SAMD9: variants seen among roughly 807,000 people sequenced by gnomAD.
SAMD9 encodes the protein sterile alpha motif domain containing 9, also known as sterile alpha motif domain-containing protein 9.
A neutral mutation model predicts 1.5 loss-of-function variants in SAMD9; 3 were observed. The ratio of observed to expected loss-of-function variants is 2.05; its 90% CI spans 0.93 to 5.29. The LOEUF is 5.29. SAMD9 is among the 30% of genes most tolerant of loss of function. SAMD9 has a pLI of 0.02. For missense variants in SAMD9, 1,597 were observed against 1,820.8 expected (o/e 0.88, Z 2.24); for synonymous variants, 635 against 631.9 (o/e 1.00, Z -0.07).
intron 1 of SAMD9, among the ~76,000 whole-genome samples, chr7:93,116,647 T>G (rs1791837301): frequency 6.6e-6 from 1 of 152,210 alleles, no homozygotes; most frequent in South Asian, 2.1e-4. Flanking sequence ...TCCAAAATGT[T>G]TTTTAGGTAA....
At chr7:93,107,232 A>T (rs1384421217) in intron 2 of SAMD9, among the ~76,000 whole-genome samples, 4 of 152,026 alleles carry the variant, frequency 2.6e-5, no homozygotes, top group East Asian at 1.9e-4. Flanking sequence ...ATTGATTTTT[A>T]AAAATATGCC....
Position 93,103,111 on chromosome 7 carries a change from A to C in SAMD9, c.2987T>G (p.Leu996Trp). ...TTTATTCAGGTGATAGCTTTTCTTCAATTCTTCCAGTGAGAACTCTGCAAT... is the reference window on the plus strand; with the variant it reads ...TTTATTCAGGTGATAGCTTTTCTTCCATTCTTCCAGTGAGAACTCTGCAAT... ...SLIAEFSLEE[L>W]KKSYHLNKSQ... is the part of the protein sequence containing the mutation. Residue 996 changes from leucine to tryptophan, a missense_variant, in exon 3 of 3, where the codon TTG becomes TGG. Leu to Trp is a moderately conservative substitution (Grantham distance 61). Around this residue, in one of 6 missense-constraint regions of SAMD9, gnomAD observed 682 missense variants for 810.0 expected, o/e 0.84. Transcript: ENST00000379958. The C allele has an allele frequency of 6.2e-7, 1 of 1,613,784 alleles. No homozygotes were observed. The highest frequency in any genetic ancestry group is 8.5e-7 in the Non-Finnish European group (1 of 1,179,754).
rs76581651 is a variant in SAMD9, at chr7:93,107,322, G to T, written c.-8-1217C>A. ...AGCTTGCTGAGTAGTGAACTTGTTG[G>T]CTACTGTTGTATTAAACTAATTTTT... On this transcript the variant is annotated intron_variant, in intron 2 of 2. Transcript: ENST00000379958. 4.2e-3 allele frequency among the ~76,000 whole-genome samples: 638 copies of T among 152,216 alleles called. 3 individuals are homozygous for T. The highest frequency in any genetic ancestry group is 0.015 in the African/African-American group (616 of 41,530).
intron 2 of SAMD9, among the ~76,000 whole-genome samples, chr7:93,108,690 G>A (rs1791688360): frequency 6.6e-6 from 1 of 152,206 alleles, no homozygotes. Context: ...CACCCACGGA[G>A]CCTCACTCAC....
At chr7:93,116,944 T>C (rs1791841462) in intron 1 of SAMD9, among the ~76,000 whole-genome samples, 1 of 152,192 alleles carries the variant, frequency 6.6e-6, no homozygotes, top group South Asian at 2.1e-4. Context: ...GAGTTGAAGG[T>C]CAGACCTTTA....
chr7:93,106,785 T>C (rs2116425170), intron 2 of SAMD9, among the ~76,000 whole-genome samples: 1 of 152,318 alleles, frequency 6.6e-6, no homozygotes, highest in South Asian at 2.1e-4. Flanking sequence ...TGGCCAGGCA[T>C]ACTCATCCCT....
At chr7:93,117,088 C>A (rs528346578) in intron 1 of SAMD9, among the ~76,000 whole-genome samples, 27 of 152,330 alleles carry the variant, frequency 1.8e-4, no homozygotes, top group African/African-American at 6.5e-4. Context: ...AGTAGTCTAT[C>A]TGTCTGTCTG....
rs373980699 is a variant in SAMD9 at position 93,100,795 on chromosome 7, C to T, written c.*533G>A. The T allele has an allele frequency of 2.0e-4, 31 of 158,756 alleles. No individual in the cohort carries two copies. Among genetic ancestry groups the T allele is most frequent in the African/African-American group, 6.0e-4 (25 of 41,560 alleles). 9.8% of individuals were successfully genotyped at this position (158,756 alleles called of 1,614,324 possible). ...AACCTACTTTGGTAAGGTCTGATGA[C>T]TTCTGTGGGCATGACCTTCAGAAGA... On this transcript the variant is annotated 3_prime_UTR_variant, in exon 3 of 3. Coordinates refer to ENST00000379958, the MANE Select transcript of SAMD9 (RefSeq NM_017654.4).
rs758821945 is a variant in SAMD9 at position 93,103,587 on chromosome 7, T to A, written c.2511A>T (p.Arg837Ser). ...KPLVIILNCM[R>S]SQNPEKSARI... ...TTGCACTTTTTTCAGGATTTTGTGA[T>A]CTCATACAATTTAGGATAATCACCA... The change falls in exon 3 of 3, where the codon AGA (arginine) becomes AGT (serine). Residue 837 changes from arginine to serine, a missense_variant. Coordinates refer to ENST00000379958, the MANE Select transcript of SAMD9 (RefSeq NM_017654.4). 1 of 1,613,426 alleles carries A rather than the reference T, an allele frequency of 6.2e-7. No individual in the cohort carries two copies. The highest frequency in any genetic ancestry group is 1.1e-5 in the South Asian group (1 of 91,044).
At chr7:93,113,746 A>C (rs185001089) in intron 2 of SAMD9, among the ~76,000 whole-genome samples, 2 of 152,324 alleles carry the variant, frequency 1.3e-5, no homozygotes, top group African/African-American at 4.8e-5. Context: ...AACCACAATG[A>C]GATACCATCT....
chr7:93,114,372 AC>A (rs1213742170), intron 2 of SAMD9, among the ~76,000 whole-genome samples: 1 of 152,130 alleles, frequency 6.6e-6, no homozygotes. Flanking sequence ...TGGGTGCAGC[AC>A]ACCAACATGG....
At position 93,105,275 on chromosome 7, in the gene SAMD9, G is replaced by A. The variant is rs373997294; in HGVS notation, c.823C>T (p.His275Tyr). The change falls in exon 3 of 3, where the codon CAT becomes TAT. Residue 275 changes from histidine to tyrosine, a missense_variant. His to Tyr is a moderately conservative substitution (Grantham distance 83). Around this residue, in one of 6 missense-constraint regions of SAMD9, gnomAD observed 498 missense variants for 457.4 expected, o/e 1.09. Coordinates refer to ENST00000379958, the MANE Select transcript of SAMD9 (RefSeq NM_017654.4). ...CACTTCTTTGCTTGTTGGACTTGATGGTCTTCAAAATACTTGTTTATCATC... is the reference window on the plus strand; with the variant it reads ...CACTTCTTTGCTTGTTGGACTTGATAGTCTTCAAAATACTTGTTTATCATC... Reference protein sequence around the residue: ...NLMINKYFEDHQVQQAKKCIR... With the variant: ...NLMINKYFEDYQVQQAKKCIR... 1.9e-6 allele frequency: 3 copies of A among 1,613,638 alleles called. No homozygotes were observed. The African/African-American group carries it at 4.0e-5, about 22-fold the overall frequency.
At chr7:93,112,571 C>G (rs1226349088) in intron 2 of SAMD9, among the ~76,000 whole-genome samples, 1 of 152,088 alleles carries the variant, frequency 6.6e-6, no homozygotes, top group Non-Finnish European at 1.5e-5. Context: ...CGTCTCAGCC[C>G]AAAATCTTAA....
chr7:93,114,667 T>C (rs1791805264), intron 2 of SAMD9, 128 bp downstream of exon 2: 1 of 152,038 alleles, frequency 6.6e-6, no homozygotes, highest in Non-Finnish European at 1.5e-5. Flanking sequence ...ATGGAATGAT[T>C]AACCAAAAAA....
intron 1 of SAMD9, among the ~76,000 whole-genome samples, chr7:93,116,009 T>A (rs190645484): frequency 6.6e-6 from 1 of 152,310 alleles, no homozygotes; most frequent in Non-Finnish European, 1.5e-5. Flanking sequence ...TGCTCACTTT[T>A]GTTGCACCCA....
Position 93,105,634 on chromosome 7 carries a change from G to T in SAMD9, c.464C>A (p.Pro155Gln). Residue 155 changes from proline to glutamine, a missense_variant, in exon 3 of 3, where the codon CCA (proline) becomes CAA (glutamine). By Grantham distance (76) the Pro-to-Gln change is moderately conservative. Around this residue, in one of 6 missense-constraint regions of SAMD9, gnomAD observed 498 missense variants for 457.4 expected, o/e 1.09. Transcript: ENST00000379958. ...DKIDYTKERQ[P>Q]SIDLTCVSYP... ...TGATACACATGTCAGGTCTATGGATGGTTGCCTTTCCTTTGTATAATCTAT... is the reference window on the plus strand; with the variant it reads ...TGATACACATGTCAGGTCTATGGATTGTTGCCTTTCCTTTGTATAATCTAT... The T allele has an allele frequency of 2.5e-6, 4 of 1,614,062 alleles. No individual in the cohort carries two copies. The highest frequency in any genetic ancestry group is 1.1e-5 in the South Asian group (1 of 91,070).
chr7:93,106,929 G>C (rs982825085), intron 2 of SAMD9, among the ~76,000 whole-genome samples: 4 of 152,196 alleles, frequency 2.6e-5, no homozygotes, highest in Non-Finnish European at 5.9e-5. Context: ...ACATCAGAGA[G>C]GAAGAGAGAA....
At chr7:93,111,953 A>G (rs530712255) in intron 2 of SAMD9, among the ~76,000 whole-genome samples, 1 of 152,340 alleles carries the variant, frequency 6.6e-6, no homozygotes, top group South Asian at 2.1e-4. Flanking sequence ...TCCCTAACTC[A>G]TTTTATGAGG....
At chr7:93,107,190 G>A (rs923098991) in intron 2 of SAMD9, among the ~76,000 whole-genome samples, 2 of 152,038 alleles carry the variant, frequency 1.3e-5, no homozygotes, top group African/African-American at 4.8e-5. Context: ...ACAGGCGTGA[G>A]TCACCATGCC....
Sources: gnomAD v4.1 joint callset for allele counts (sites outside exome capture counted in the v4.1 genomes callset) on GRCh38, gnomAD v4.1.1 for gene constraint, gnomAD v4.1.1 regional missense constraint, MANE v1.5 for transcripts, NCBI Gene and HGNC (gene_info 2026-07-23, HGNC 2026-07-21) for gene names.